MUC5AC: variants seen among roughly 807,000 people sequenced by gnomAD.
The protein encoded by MUC5AC is mucin 5AC, oligomeric mucus/gel-forming.
A neutral mutation model predicts 169.7 loss-of-function variants in MUC5AC; 158 were observed. That is an observed-to-expected ratio of 0.93 (90% CI 0.82 to 1.06). The LOEUF is 1.06. Among genes scored for constraint, MUC5AC ranks in the 50% least tolerant of loss-of-function variants. The probability of loss-of-function intolerance (pLI) is 0.00; values close to 1 mark genes in which losing one functional copy is unlikely to be tolerated. For synonymous variants in MUC5AC, 1,975 were observed against 1,237.0 expected (o/e 1.60, Z -12.52); for missense variants, 4,359 against 3,089.9 (o/e 1.41, Z -9.74).
At position 1,192,245 on chromosome 11, in the gene MUC5AC, C is replaced by T. The variant is rs1423026507; in HGVS notation, c.14100C>T (p.Gly4700=). 2 of 765,088 alleles carry T rather than the reference C, an allele frequency of 2.6e-6. No individual in the cohort carries two copies. The highest frequency in any genetic ancestry group is 4.8e-6 in the Non-Finnish European group (2 of 417,908). 47.4% of individuals were successfully genotyped at this position (765,088 alleles called of 1,614,324 possible). ...TGGTGCAGTGCAGCCGTGAAGAGGG[C>T]CTGGTGTGCCGGAACCAGGACCAGC... ...GQVVQCSREE[G]LVCRNQDQQG... is the part of the protein sequence containing the mutation. Residue 4700 remains glycine (G), a synonymous_variant, in exon 31 of 49, where the codon GGC becomes GGT. Transcript: ENST00000621226.
rs1053050368 is a variant in MUC5AC at position 1,172,482 on chromosome 11, G to A, written c.1924G>A (p.Gly642Ser). Residue 642 changes from glycine (G) to serine (S), a missense_variant, in exon 16 of 49, where the codon GGC becomes AGC. Physicochemically the swap from Gly to Ser is moderately conservative, Grantham distance 56. Transcript: ENST00000621226. ...SQLTDADGPF[G>S]RCHAAVKPGT... The stretch of plus-strand genomic sequence containing the variant: ...GCTGACCGATGCCGACGGCCCCTTC[G>A]GCCGGTGCCATGCTGCCGTGAAGCC... 1.0e-5 allele frequency: 4 copies of A among 398,576 alleles called. No homozygotes were observed. The highest frequency in any genetic ancestry group is 1.3e-4 in the South Asian group (1 of 7,862). 24.7% of individuals were successfully genotyped at this position (398,576 alleles called of 1,614,324 possible).
Position 1,185,745 on chromosome 11 carries a change from C to T in MUC5AC, c.7600C>T (p.Pro2534Ser), listed in dbSNP as rs1564914116. The T allele has an allele frequency of 7.7e-5, 57 of 736,436 alleles. No homozygotes were observed. Among genetic ancestry groups the T allele is most frequent in the South Asian group, 7.6e-4 (55 of 72,056 alleles). The allele number at this position is 736,436 out of a possible 1,614,324, so 45.6% of individuals were successfully genotyped here. Residue 2534 changes from proline (P) to serine (S), a missense_variant, in exon 31 of 49, where the codon CCT becomes TCT. Pro to Ser is a moderately conservative substitution (Grantham distance 74). Coordinates refer to ENST00000621226, the MANE Select transcript of MUC5AC (RefSeq NM_001304359.2). Reference protein sequence around the residue: ...TTSGAGTTPSPVPTTSTTSAP... With the variant: ...TTSGAGTTPSSVPTTSTTSAP... The stretch of plus-strand genomic sequence containing the variant: ...CTCTGGTGCTGGAACTACTCCCAGC[C>T]CTGTTCCCACCACCAGCACAACCTC...
intron 21 of MUC5AC, 35 bp from the exon 22 acceptor site, chr11:1,176,893 T>C: frequency 2.5e-6 from 1 of 398,598 alleles, no homozygotes; most frequent in Non-Finnish European, 4.4e-6. Context: ...AGGCACCCTG[T>C]GTGTGCTCTA....
rs572690634 is a variant in MUC5AC at position 1,197,479 on chromosome 11, C to T, written c.15873C>T (p.Thr5291=). 33 of 713,646 alleles carry T rather than the reference C, an allele frequency of 4.6e-5. No homozygotes were observed. The highest frequency in any genetic ancestry group is 3.5e-4 in the African/African-American group (20 of 57,884). The allele number at this position is 713,646 out of a possible 1,614,324, so 44.2% of individuals were successfully genotyped here. ...CCCCTTCCTTGCAGGTGGGCCACAC[C>T]GTCGGCATGGACTGCCAGGAGTGCA... ...PHGEPVKVGH[T]VGMDCQECTC... Residue 5291 remains threonine (T), a synonymous_variant, in exon 41 of 49, where the codon ACC becomes ACT. Coordinates refer to ENST00000621226, the MANE Select transcript of MUC5AC (RefSeq NM_001304359.2).
At chr11:1,165,874 G>A in intron 11 of MUC5AC, 114 bp downstream of exon 11, 2 of 1,466,452 alleles carry the variant, frequency 1.4e-6, no homozygotes, top group Non-Finnish European at 1.9e-6. Flanking sequence ...CACCCTTGGG[G>A]GTCCCCGATG....
rs1385502188 is a variant in MUC5AC, at chr11:1,184,419, G to A, written c.6274G>A (p.Ala2092Thr). The A allele has an allele frequency of 2.0e-5, 11 of 539,832 alleles. No homozygotes were observed. Among genetic ancestry groups the A allele is most frequent in the African/African-American group, 1.9e-4 (10 of 52,504 alleles). 33.4% of individuals were successfully genotyped at this position (539,832 alleles called of 1,614,324 possible). Reference protein sequence around the residue: ...MPSASTEQPTATSRGGPTATS... With the variant: ...MPSASTEQPTTTSRGGPTATS... ...CTCGGCCTCCACAGAGCAACCCACG[G>A]CAACCTCCAGGGGTGGGCCCACAGC... The change falls in exon 31 of 49, where the codon GCA becomes ACA. Residue 2092 changes from alanine to threonine, a missense_variant. Coordinates refer to ENST00000621226, the MANE Select transcript of MUC5AC (RefSeq NM_001304359.2).
intron 17 of MUC5AC, 110 bp downstream of exon 17, chr11:1,174,732 T>C: frequency 1.9e-6 from 1 of 516,720 alleles, no homozygotes; most frequent in South Asian, 2.8e-5. Context: ...TGTGCTGGGC[T>C]TGAGGGCAAG....
chr11:1,193,394 C>T, intron 32 of MUC5AC, 91 bp from the exon 33 acceptor site: 1 of 640,220 alleles, frequency 1.6e-6, no homozygotes, highest in South Asian at 1.7e-5. Flanking sequence ...CCTGTCCCCA[C>T]ACGGGACTCT....
In MUC5AC at chr11:1,187,702, C is replaced by A. The variant is rs1554928335; in HGVS notation, c.9557C>A (p.Thr3186Asn). The change falls in exon 31 of 49, where the codon ACC becomes AAC. Residue 3186 changes from threonine to asparagine, a missense_variant. By Grantham distance (65) the Thr-to-Asn change is moderately conservative (BLOSUM62 0). Transcript: ENST00000621226. ...STTSTTPGPG[T>N]TPSPVPTTST... ...ACCAGCACAACCCCTGGTCCTGGAA[C>A]CACTCCCAGCCCCGTTCCCACCACC... The A allele has an allele frequency of 1.3e-6, 1 of 765,170 alleles. No homozygotes were observed. The highest frequency in any genetic ancestry group is 1.7e-5 in the African/African-American group (1 of 59,248). 47.4% of individuals were successfully genotyped at this position (765,170 alleles called of 1,614,324 possible).
Position 1,187,391 on chromosome 11 carries a change from C to G in MUC5AC, c.9246C>G (p.Thr3082=). 1.4e-6 allele frequency: 1 copy of G among 739,532 alleles called. No individual in the cohort carries two copies. The highest frequency in any genetic ancestry group is 1.4e-5 in the South Asian group (1 of 70,948). 45.8% of individuals were successfully genotyped at this position (739,532 alleles called of 1,614,324 possible). Residue 3082 remains threonine (T), a synonymous_variant, in exon 31 of 49, where the codon ACC becomes ACG. Coordinates refer to ENST00000621226, the MANE Select transcript of MUC5AC (RefSeq NM_001304359.2). ...PTTSTTSAPT[T]STTSAATTST... is the part of the protein sequence containing the mutation. ...CCAGCACAACCTCTGCTCCTACAAC[C>G]AGCACAACCTCTGCCGCTACAACCA...
chr11:1,171,060 CCA>C (rs1475434039), intron 15 of MUC5AC, among the ~76,000 whole-genome samples: 1 of 141,052 alleles, frequency 7.1e-6, no homozygotes, highest in Non-Finnish European at 1.5e-5. Context: ...ACCCATTCAC[CCA>C]CTCACCGACT....
rs1554928259 is a variant in MUC5AC, at chr11:1,187,535, C to T, written c.9390C>T (p.Thr3130=). Residue 3130 remains threonine, a synonymous_variant, in exon 31 of 49, where the codon ACC becomes ACT. Transcript: ENST00000621226. ...CTACTCCCAGCCCTATTCCTACCAC[C>T]AGCACAACCTCTCCTCCTACAACCA... The part of the protein sequence containing the change: ...LGTTPSPIPT[T]STTSPPTTST... 1 of 750,260 alleles carries T rather than the reference C, an allele frequency of 1.3e-6. No individual in the cohort carries two copies. Among genetic ancestry groups the T allele is most frequent in the Admixed American group, 1.8e-5 (1 of 56,282 alleles). The allele number at this position is 750,260 out of a possible 1,614,324, so 46.5% of individuals were successfully genotyped here.
intron 28 of MUC5AC, among the ~76,000 whole-genome samples, chr11:1,180,887 G>A (rs1860802207): frequency 6.6e-6 from 1 of 152,122 alleles, no homozygotes. Flanking sequence ...GCTCCACTCT[G>A]GCACCCACCT....
At position 1,187,438 on chromosome 11, in the gene MUC5AC, C is replaced by T. The variant is rs1860980800; in HGVS notation, c.9293C>T (p.Thr3098Ile). 1.4e-6 allele frequency: 1 copy of T among 729,722 alleles called. No homozygotes were observed. The highest frequency in any genetic ancestry group is 1.7e-5 in the African/African-American group (1 of 57,948). 45.2% of individuals were successfully genotyped at this position (729,722 alleles called of 1,614,324 possible). ...ATTSTISAPT[T>I]STTSAPTTST... The stretch of plus-strand genomic sequence containing the variant: ...ACCAGCACAATCTCGGCCCCAACAA[C>T]CAGCACAACGTCTGCTCCTACAACC... The change falls in exon 31 of 49, where the codon ACC becomes ATC. Residue 3098 changes from threonine (T) to isoleucine (I), a missense_variant. Coordinates refer to ENST00000621226, the MANE Select transcript of MUC5AC (RefSeq NM_001304359.2).
chr11:1,187,570 C>T lies in MUC5AC; in HGVS notation c.9425C>T (p.Ser3142Phe). Residue 3142 changes from serine to phenylalanine, a missense_variant, in exon 31 of 49, where the codon TCT (serine) becomes TTT (phenylalanine). Transcript: ENST00000621226. ...TCTCCTCCTACAACCAGCACAACTT[C>T]TGCCTCTACAGCCAGCAAAACCTCT... ...TTSPPTTSTT[S>F]ASTASKTSGP... The T allele has an allele frequency of 1.3e-6, 1 of 756,100 alleles. No individual in the cohort carries two copies. The highest frequency in any genetic ancestry group is 1.4e-5 in the South Asian group (1 of 73,392). The allele number at this position is 756,100 out of a possible 1,614,324, so 46.8% of individuals were successfully genotyped here. A position where few individuals can be genotyped will look rare whatever the true frequency, so the allele number is the denominator to read the frequency against.
Position 1,161,548 on chromosome 11 carries a change from C to A in MUC5AC, c.173C>A (p.Thr58Asn). ...GPSGVPLRGATVFPSLRTIPV... is the reference protein window; with the variant it reads ...GPSGVPLRGANVFPSLRTIPV... ...GCAGGGGTCCCGCTCCGTGGGGCGA[C>A]TGTCTTCCCATCTCTGAGGACCATC... is the stretch of plus-strand genomic sequence containing the variant. The change falls in exon 3 of 49, where the codon ACT (threonine) becomes AAT (asparagine). Residue 58 changes from threonine to asparagine, a missense_variant. By Grantham distance (65) the Thr-to-Asn change is moderately conservative (BLOSUM62 0). Transcript: ENST00000621226. The A allele has an allele frequency of 6.2e-7, 1 of 1,609,316 alleles. No homozygotes were observed. The highest frequency in any genetic ancestry group is 8.5e-7 in the Non-Finnish European group (1 of 1,177,742).
chr11:1,160,790 C>A, intron 2 of MUC5AC, 101 bp downstream of exon 2: 1 of 1,224,286 alleles, frequency 8.2e-7, no homozygotes, highest in Non-Finnish European at 1.1e-6. Context: ...GGCTCCCCAG[C>A]TGGCCACTGC....
rs747087855 is a variant in MUC5AC, at chr11:1,192,832, CCT to C, written c.14431_14432del (p.Leu4811ValfsTer2). Reference sequence around the variant, plus strand: ...ACCTCGCTGGCCATTGCTATTATGCCCTGTGTAGCCAGGACTGCCAAGTGGTC... The same window carrying C: ...ACCTCGCTGGCCATTGCTATTATGCCGTGTAGCCAGGACTGCCAAGTGGTC... ...RDLAGHCYYA[L>X]CSQDCQVVRG... On this transcript the variant is annotated frameshift_variant, in exon 32 of 49. Coordinates refer to ENST00000621226, the MANE Select transcript of MUC5AC (RefSeq NM_001304359.2). LOFTEE classifies it high-confidence loss of function. 1.3e-6 allele frequency: 1 copy of C among 764,760 alleles called. No individual in the cohort carries two copies. Among genetic ancestry groups the C allele is most frequent in the Non-Finnish European group, 2.4e-6 (1 of 417,692 alleles). 47.4% of individuals were successfully genotyped at this position (764,760 alleles called of 1,614,324 possible). A position where few individuals can be genotyped will look rare whatever the true frequency, so the allele number is the denominator to read the frequency against.
chr11:1,162,781 G>T, intron 5 of MUC5AC, 135 bp downstream of exon 5: 2 of 1,002,544 alleles, frequency 2.0e-6, no homozygotes, highest in Non-Finnish European at 3.1e-6. Flanking sequence ...CAGCAGGCAA[G>T]AACAGGTGCC....
Sources: allele counts gnomAD v4.1 joint callset (sites outside exome capture counted in the v4.1 genomes callset), GRCh38; gene constraint gnomAD v4.1.1; transcripts MANE v1.5; gene names NCBI Gene and HGNC (gene_info 2026-07-23, HGNC 2026-07-21).